The following LINC00305 variants were observed in gnomAD, a reference collection of about 807,000 sequenced individuals.
LINC00305 encodes the protein long independently transcribed non-coding RNA 305.
At chr18:64,080,475 C>A (rs773472375) in intron 3 of LINC00305, 5 of 271,962 alleles carry the variant, frequency 1.8e-5, no homozygotes, top group Admixed American at 4.9e-5. Flanking sequence ...ATTCCAAATT[C>A]ATACATACCT....
At chr18:64,115,670 T>A (rs1448025949) in intron 1 of LINC00305, among the ~76,000 whole-genome samples, 1 of 152,220 alleles carries the variant, frequency 6.6e-6, no homozygotes, top group Non-Finnish European at 1.5e-5. Context: ...CTCTCAGCTT[T>A]TCTAAACTTT....
rs17072539 is a variant in LINC00305 at position 64,086,233 on chromosome 18, A to G, written n.541-5831T>C. Among the ~76,000 whole-genome samples, 1,410 of 152,322 alleles carry G rather than the reference A, an allele frequency of 9.3e-3. 23 individuals are homozygous for G. Among genetic ancestry groups the G allele is most frequent in the African/African-American group, 0.032 (1,331 of 41,564 alleles). ...AATAAATATAACTATTCCTTTCATAAGCTTGATTGTAATCCATTAAGCTTT... is the reference window on the plus strand; with the variant it reads ...AATAAATATAACTATTCCTTTCATAGGCTTGATTGTAATCCATTAAGCTTT... On this transcript the variant is annotated intron_variant and non_coding_transcript_variant, in intron 3 of 3. Transcript: ENST00000666468.
At chr18:64,147,409 T>C (rs2051503241) in intron 1 of LINC00305, 2 of 152,224 alleles carry the variant, frequency 1.3e-5, no homozygotes, top group African/African-American at 2.4e-5. Context: ...TAAATTTGCA[T>C]GTATGTAACA....
intron 1 of LINC00305, among the ~76,000 whole-genome samples, chr18:64,138,913 T>C (rs1008897991): frequency 3.9e-5 from 6 of 152,120 alleles, no homozygotes; most frequent in Non-Finnish European, 8.8e-5. Context: ...CCTATCCAAA[T>C]GAATCAAAGA....
At chr18:64,124,424 C>T (rs1370604902) in intron 1 of LINC00305, among the ~76,000 whole-genome samples, 1 of 152,208 alleles carries the variant, frequency 6.6e-6, no homozygotes, top group South Asian at 2.1e-4. Context: ...ACTAATCACC[C>T]TGTGCTAAAA....
intron 1 of LINC00305, among the ~76,000 whole-genome samples, chr18:64,117,244 C>A (rs930702618): frequency 7.9e-5 from 12 of 152,250 alleles, no homozygotes; most frequent in Admixed American, 3.3e-4. Context: ...AATTATCATC[C>A]CCAAAGCCTT....
chr18:64,085,066 C>T (rs1478163953), intron 3 of LINC00305, among the ~76,000 whole-genome samples: 2 of 152,154 alleles, frequency 1.3e-5, no homozygotes, highest in Non-Finnish European at 1.5e-5. Flanking sequence ...GATGTGCATT[C>T]GAGGAGAGTT....
At chr18:64,148,513 C>G (rs1466119870) in intron 1 of LINC00305, among the ~76,000 whole-genome samples, 1 of 152,028 alleles carries the variant, frequency 6.6e-6, no homozygotes, top group Non-Finnish European at 1.5e-5. Context: ...AATGAGGCCT[C>G]CAAAGTGGAA....
chr18:64,093,536 G>T (rs978982848), intron 3 of LINC00305, among the ~76,000 whole-genome samples: 1 of 152,124 alleles, frequency 6.6e-6, no homozygotes, highest in East Asian at 1.9e-4. Context: ...GTTTCACCAT[G>T]TTGGCCAGGT....
intron 3 of LINC00305, chr18:64,080,426 A>G (rs1339924248): frequency 2.3e-6 from 1 of 435,834 alleles, no homozygotes; most frequent in Non-Finnish European, 4.6e-6. Context: ...AGTAATCCAC[A>G]TTATTGCAGT....
chr18:64,143,552 T>TGTGTACATATA (rs564184468), intron 1 of LINC00305, among the ~76,000 whole-genome samples: 1 of 26,088 alleles, frequency 3.8e-5, no homozygotes, highest in South Asian at 2.2e-3. Flanking sequence ...TGTACACATA[T>TGTGTACATATA]TATGTGTACA....
intron 3 of LINC00305, among the ~76,000 whole-genome samples, chr18:64,092,511 G>A (rs1351405866): frequency 6.6e-6 from 1 of 151,550 alleles, no homozygotes; most frequent in Non-Finnish European, 1.5e-5. Flanking sequence ...GCACTGAGCC[G>A]AGATCACACC....
At chr18:64,098,657 AAAAT>A (rs538757348) in intron 1 of LINC00305, 38 of 426,074 alleles carry the variant, frequency 8.9e-5, no homozygotes, top group African/African-American at 7.5e-4. Flanking sequence ...GTGAAAAAAG[AAAAT>A]AAATTGTTGT....
At chr18:64,103,962 A>G (rs2051278578) in intron 1 of LINC00305, 1 of 152,232 alleles carries the variant, frequency 6.6e-6, no homozygotes, top group Admixed American at 6.5e-5. Context: ...GTATATGGTT[A>G]TTTAAAAATG....
intron 1 of LINC00305, among the ~76,000 whole-genome samples, chr18:64,108,904 T>C (rs753941600): frequency 6.6e-6 from 1 of 152,180 alleles, no homozygotes; most frequent in Non-Finnish European, 1.5e-5. Flanking sequence ...GAAAGAAACA[T>C]AATACATCTA....
chr18:64,143,116 G>C (rs2051472227), intron 1 of LINC00305, among the ~76,000 whole-genome samples: 1 of 152,164 alleles, frequency 6.6e-6, no homozygotes, highest in African/African-American at 2.4e-5. Context: ...TCAGCATTAT[G>C]AAACCAACCA....
chr18:64,083,172 C>T (rs1474203160), intron 3 of LINC00305, among the ~76,000 whole-genome samples: 1 of 152,062 alleles, frequency 6.6e-6, no homozygotes, highest in Non-Finnish European at 1.5e-5. Context: ...TTAAAAATGA[C>T]CTTTAGAATG....
At chr18:64,096,954 T>C (rs1372696759) in intron 3 of LINC00305, among the ~76,000 whole-genome samples, 2 of 151,840 alleles carry the variant, frequency 1.3e-5, no homozygotes, top group African/African-American at 4.8e-5. Context: ...TATATAACTA[T>C]AATAAAACTT....
In LINC00305 at chr18:64,119,464, G is replaced by A. The variant is rs182834796; in HGVS notation, n.315-20824C>T. On this transcript the variant is annotated intron_variant and non_coding_transcript_variant, in intron 1 of 3. Coordinates refer to ENST00000666468, the Ensembl canonical transcript of LINC00305. ...ATTAAAGTTATATCTAATTAATTGC[G>A]TATTGAGTTTCACTAGGCTTAATGT... Among the ~76,000 whole-genome samples, 22 of 152,150 alleles carry A rather than the reference G, an allele frequency of 1.4e-4. No homozygotes were observed. In the East Asian group the frequency reaches 1.9e-3, roughly 13 times the overall value.
Sources: allele counts gnomAD v4.1 joint callset (sites outside exome capture counted in the v4.1 genomes callset), GRCh38; gene constraint gnomAD v4.1.1; transcripts MANE v1.5; gene names NCBI Gene and HGNC (gene_info 2026-07-23, HGNC 2026-07-21).